Variants in MMP16 observed in about 807,000 individuals in gnomAD.
The protein encoded by MMP16 is matrix metallopeptidase 16, also known as matrix metalloproteinase-16.
In MMP16, 12 loss-of-function variants were observed where a neutral mutation model predicts 67.8. The observed-to-expected ratio is 0.18, with a 90% CI of 0.11 to 0.29. The LOEUF is 0.29. Ranked by LOEUF, MMP16 falls within the 10% of genes least tolerant of loss-of-function variation. The pLI, the probability that MMP16 is intolerant of heterozygous loss-of-function variation, is 1.00. For missense variants in MMP16, 475 were observed against 765.7 expected (o/e 0.62, Z 4.48); for synonymous variants, 249 against 255.9 (o/e 0.97, Z 0.26).
chr8:88,245,812 C>A (rs139346478), intron 1 of MMP16, among the ~76,000 whole-genome samples: 1 of 152,246 alleles, frequency 6.6e-6, no homozygotes, highest in East Asian at 1.9e-4. Flanking sequence ...AAAAGTGATG[C>A]ACATTCCCAA....
intron 7 of MMP16, among the ~76,000 whole-genome samples, chr8:88,057,093 C>T (rs1421669562): frequency 1.3e-5 from 2 of 152,096 alleles, no homozygotes; most frequent in African/African-American, 4.8e-5. Context: ...CTGGAGTCAC[C>T]AATGCCCTCC....
intron 4 of MMP16, among the ~76,000 whole-genome samples, chr8:88,166,757 A>C (rs1337170056): frequency 7.0e-6 from 1 of 143,686 alleles, no homozygotes; most frequent in Non-Finnish European, 1.5e-5. Flanking sequence ...TTTTAAACAG[A>C]GGGAGTTTGT....
intron 1 of MMP16, among the ~76,000 whole-genome samples, chr8:88,313,545 T>C (rs919843884): frequency 7.2e-5 from 11 of 152,226 alleles, no homozygotes; most frequent in African/African-American, 2.7e-4. Flanking sequence ...GTAGTTTTCT[T>C]CTTTTTTCTT....
chr8:88,224,717 G>C (rs981647885), intron 1 of MMP16, among the ~76,000 whole-genome samples: 1 of 151,802 alleles, frequency 6.6e-6, no homozygotes, highest in African/African-American at 2.4e-5. Context: ...AAGTTTAATG[G>C]GAGATCTGTG....
intron 4 of MMP16, among the ~76,000 whole-genome samples, chr8:88,133,631 A>T (rs760856940): frequency 6.6e-6 from 1 of 151,898 alleles, no homozygotes. Context: ...ACATATTTTC[A>T]TATTAATGAC....
intron 3 of MMP16, among the ~76,000 whole-genome samples, chr8:88,168,456 C>T (rs926249389): frequency 1.4e-4 from 21 of 152,094 alleles, no homozygotes; most frequent in Admixed American, 7.2e-4. Context: ...TAATTTGTAA[C>T]GAAATGATCA....
intron 1 of MMP16, among the ~76,000 whole-genome samples, chr8:88,254,880 T>C (rs898232767): frequency 2.0e-5 from 3 of 152,180 alleles, no homozygotes; most frequent in East Asian, 1.9e-4. Flanking sequence ...AGGCCATTAA[T>C]TGTGACAAAT....
chr8:88,075,921 A>T (rs1808641312), intron 6 of MMP16, among the ~76,000 whole-genome samples: 1 of 137,950 alleles, frequency 7.2e-6, no homozygotes, highest in South Asian at 2.4e-4. Context: ...AGGATTTATC[A>T]ATTACTCATA....
intron 8 of MMP16, among the ~76,000 whole-genome samples, chr8:88,051,380 T>C (rs1016002590): frequency 8.5e-5 from 13 of 152,140 alleles, no homozygotes; most frequent in African/African-American, 2.2e-4. Flanking sequence ...ATGGAAAACA[T>C]TGAAATTTTG....
intron 1 of MMP16, among the ~76,000 whole-genome samples, chr8:88,286,514 G>A (rs1810834456): frequency 6.6e-6 from 1 of 152,014 alleles, no homozygotes; most frequent in African/African-American, 2.4e-5. Context: ...TTATTGTCCA[G>A]GTTCTCTACC....
chr8:88,172,127 A>G (rs1474175105), intron 3 of MMP16, among the ~76,000 whole-genome samples: 4 of 152,138 alleles, frequency 2.6e-5, no homozygotes, highest in African/African-American at 7.2e-5. Flanking sequence ...CATATGATGC[A>G]TTTTTAATTG....
chr8:88,068,980 G>A (rs911372046), intron 7 of MMP16, among the ~76,000 whole-genome samples: 2 of 152,140 alleles, frequency 1.3e-5, no homozygotes, highest in African/African-American at 4.8e-5. Context: ...GGGATCACAG[G>A]CGTGAGCCAC....
intron 3 of MMP16, among the ~76,000 whole-genome samples, chr8:88,185,196 T>C (rs1242061641): frequency 6.6e-6 from 1 of 152,136 alleles, no homozygotes; most frequent in Non-Finnish European, 1.5e-5. Flanking sequence ...TGGTAGGTCA[T>C]GCCTGTAATC....
intron 1 of MMP16, among the ~76,000 whole-genome samples, chr8:88,321,961 G>A (rs1040407075): frequency 4.6e-5 from 7 of 152,060 alleles, no homozygotes; most frequent in Admixed American, 6.6e-5. Flanking sequence ...ATATGGACAC[G>A]ATATGTTTTT....
rs1253351752 is a variant in MMP16, at chr8:88,115,500, A to G, written c.1083+1007T>C. 2.0e-5 allele frequency among the ~76,000 whole-genome samples: 3 copies of G among 152,058 alleles called. No homozygotes were observed. In the East Asian group the frequency reaches 5.8e-4, roughly 29 times the overall value. Reference sequence around the variant, plus strand: ...GATGCTTTTATGCATATTATATCGAATCCAGATCTTATTTTTCAAAAAAGA... The same window carrying G: ...GATGCTTTTATGCATATTATATCGAGTCCAGATCTTATTTTTCAAAAAAGA... On this transcript the variant is annotated intron_variant, in intron 6 of 9. Coordinates refer to ENST00000286614, the MANE Select transcript of MMP16 (RefSeq NM_005941.5).
At chr8:88,273,917 G>A (rs1369838867) in intron 1 of MMP16, among the ~76,000 whole-genome samples, 1 of 152,042 alleles carries the variant, frequency 6.6e-6, no homozygotes, top group Non-Finnish European at 1.5e-5. Flanking sequence ...CCACAAAACA[G>A]CAACATCATC....
intron 6 of MMP16, among the ~76,000 whole-genome samples, chr8:88,081,636 G>A (rs1158773313): frequency 6.6e-6 from 1 of 151,878 alleles, no homozygotes; most frequent in Non-Finnish European, 1.5e-5. Context: ...CCAATGATTA[G>A]GTTAAATTTA....
chr8:88,222,854 T>G (rs538842267), intron 1 of MMP16, among the ~76,000 whole-genome samples: 35 of 152,282 alleles, frequency 2.3e-4, no homozygotes, highest in African/African-American at 7.7e-4. Flanking sequence ...TGGGATCTAA[T>G]TAAACTAAAG....
rs140589403 is a variant in MMP16 at position 88,281,137 on chromosome 8, T to A, written c.132+45938A>T. 4.4e-3 allele frequency among the ~76,000 whole-genome samples: 663 copies of A among 152,308 alleles called. 7 individuals are homozygous for A. Among genetic ancestry groups the A allele is most frequent in the African/African-American group, 0.015 (635 of 41,554 alleles). On this transcript the variant is annotated intron_variant, in intron 1 of 9. Coordinates refer to ENST00000286614, the MANE Select transcript of MMP16 (RefSeq NM_005941.5). ...TTGCAATTCCAAATTTTCCCTCACT[T>A]CTTCTGGTTATCAATACAGATAGAA...
Sources: allele counts gnomAD v4.1 joint callset (sites outside exome capture counted in the v4.1 genomes callset), GRCh38; gene constraint gnomAD v4.1.1; transcripts MANE v1.5; gene names NCBI Gene and HGNC (gene_info 2026-07-23, HGNC 2026-07-21).